Variants in PCDHGA6 observed in about 807,000 individuals in gnomAD.
PCDHGA6 encodes the protein protocadherin gamma-A6.
A neutral mutation model predicts 60.6 loss-of-function variants in PCDHGA6; 41 were observed. That is an observed-to-expected ratio of 0.68 (90% CI 0.53 to 0.88). The LOEUF is 0.88. Among genes scored for constraint, PCDHGA6 ranks in the 40% least tolerant of loss-of-function variants. The probability of loss-of-function intolerance (pLI) is 0.00; values close to 1 mark genes in which losing one functional copy is unlikely to be tolerated. For missense variants in PCDHGA6, 1,312 were observed against 1,203.0 expected (o/e 1.09, Z -1.34); for synonymous variants, 594 against 524.4 (o/e 1.13, Z -1.81).
chr5:141,430,383 G>GAAA (rs139772145), intron 1 of PCDHGA6, among the ~76,000 whole-genome samples: 2 of 138,566 alleles, frequency 1.4e-5, no homozygotes, highest in South Asian at 4.6e-4. Flanking sequence ...AGCTCATTGG[G>GAAA]AAAAAAAAAA....
intron 1 of PCDHGA6, chr5:141,423,473 C>A: frequency 6.2e-7 from 1 of 1,614,010 alleles, no homozygotes; most frequent in Non-Finnish European, 8.5e-7. Flanking sequence ...GGGGTACAGG[C>A]TTTCCTGCAA....
At chr5:141,464,929 G>A (rs1358204606) in intron 1 of PCDHGA6, among the ~76,000 whole-genome samples, 1 of 151,878 alleles carries the variant, frequency 6.6e-6, no homozygotes, top group Non-Finnish European at 1.5e-5. Flanking sequence ...TTGTAGAGAT[G>A]TGAGGTCTCA....
intron 1 of PCDHGA6, chr5:141,414,010 G>A (rs1308472085): frequency 1.2e-6 from 2 of 1,612,990 alleles, no homozygotes; most frequent in Non-Finnish European, 1.7e-6. Flanking sequence ...AGGTGCCAAT[G>A]GAGAAGTGAC....
chr5:141,408,676 G>A (rs1315766272), intron 1 of PCDHGA6: 2 of 1,613,652 alleles, frequency 1.2e-6, no homozygotes, highest in Non-Finnish European at 1.7e-6. Flanking sequence ...ACCCTGCCAC[G>A]GATCCTGATA....
chr5:141,490,688 CTG>C lies in PCDHGA6; in HGVS notation c.2425-4118_2425-4117del. 6.2e-7 allele frequency: 1 copy of C among 1,614,218 alleles called. No homozygotes were observed. On this transcript the variant is annotated intron_variant, in intron 1 of 3. Coordinates refer to ENST00000517434, the MANE Select transcript of PCDHGA6 (RefSeq NM_018919.3). This position sits in a 1 kb window ranked among gnomAD's most constrained non-coding sequence, Gnocchi z 5.4. ...ACTGTGGCTGCCTCAGATCCAGACA[CTG>C]GGGATAATGCCCGCCTCACCTACTC... is the stretch of plus-strand genomic sequence containing the variant.
rs953397576 is a variant in PCDHGA6, at chr5:141,410,111, G to A, written c.2424+33604G>A. 6 of 1,612,264 alleles carry A rather than the reference G, an allele frequency of 3.7e-6. No homozygotes were observed. In the African/African-American group the frequency reaches 6.7e-5, roughly 18 times the overall value. On this transcript the variant is annotated intron_variant, in intron 1 of 3. Transcript: ENST00000517434. ...GGCTCGAGCCTTAGGCGACAGGGACGCAGCCCGCCAGCGCCTGCTGGTCGC... is the reference window on the plus strand; with the variant it reads ...GGCTCGAGCCTTAGGCGACAGGGACACAGCCCGCCAGCGCCTGCTGGTCGC...
At chr5:141,383,976 C>G in intron 1 of PCDHGA6, 1 of 1,613,760 alleles carries the variant, frequency 6.2e-7, no homozygotes, top group Non-Finnish European at 8.5e-7. Flanking sequence ...TCCCTGAAGA[C>G]ACACCTCTTG....
chr5:141,492,395 C>G (rs2099740183), intron 1 of PCDHGA6, among the ~76,000 whole-genome samples: 1 of 152,242 alleles, frequency 6.6e-6, no homozygotes, highest in African/African-American at 2.4e-5. Flanking sequence ...GGTCCACTCG[C>G]AGCTCCCCTC....
chr5:141,389,991 G>T (rs561094692), intron 1 of PCDHGA6: 2 of 1,614,016 alleles, frequency 1.2e-6, no homozygotes, highest in African/African-American at 2.7e-5. Flanking sequence ...GCTCTTCCTC[G>T]TGGCCATGAT....
At chr5:141,459,694 T>A (rs767389870) in intron 1 of PCDHGA6, among the ~76,000 whole-genome samples, 1 of 152,252 alleles carries the variant, frequency 6.6e-6, no homozygotes, top group Non-Finnish European at 1.5e-5. Context: ...AGCGTTCCGC[T>A]TGCTACATTT....
In PCDHGA6 at chr5:141,512,845, A is replaced by G. The variant is rs1166488780; in HGVS notation, c.*1672A>G. On this transcript the variant is annotated 3_prime_UTR_variant, in exon 4 of 4. Coordinates refer to ENST00000517434, the MANE Select transcript of PCDHGA6 (RefSeq NM_018919.3). ...CTCCCCCGTACTGACTTCTCCTATA[A>G]GCGCTTCTCTTCGCATAGTCACGTA... The G allele has an allele frequency of 6.6e-6, 1 of 152,156 alleles. No individual in the cohort carries two copies. Among genetic ancestry groups the G allele is most frequent in the African/African-American group, 2.4e-5 (1 of 41,380 alleles). 9.4% of individuals were successfully genotyped at this position (152,156 alleles called of 1,614,324 possible).
chr5:141,420,911 T>C (rs948220220), intron 1 of PCDHGA6: 6 of 313,968 alleles, frequency 1.9e-5, no homozygotes, highest in Admixed American at 1.8e-4. Flanking sequence ...CAAATACGTG[T>C]GATTCACAAA....
chr5:141,505,592 A>T, intron 3 of PCDHGA6, 111 bp downstream of exon 3: 2 of 1,567,266 alleles, frequency 1.3e-6, no homozygotes, highest in Admixed American at 3.6e-5. Flanking sequence ...GTTTCTCCAG[A>T]TCTTTCGGCA....
intron 1 of PCDHGA6, chr5:141,409,895 C>T (rs928044268): frequency 2.5e-6 from 4 of 1,613,098 alleles, no homozygotes; most frequent in Non-Finnish European, 3.4e-6. Flanking sequence ...GGTGCTGTAC[C>T]CAGCTCTGGG....
At chr5:141,407,873 A>C (rs561323423) in intron 1 of PCDHGA6, 1 of 354,804 alleles carries the variant, frequency 2.8e-6, no homozygotes, top group African/African-American at 2.1e-5. Flanking sequence ...CGAAGAATAT[A>C]TACATTTCGG....
chr5:141,384,492 AG>A (rs746302959), intron 1 of PCDHGA6: 2 of 1,614,164 alleles, frequency 1.2e-6, no homozygotes, highest in East Asian at 4.5e-5. Context: ...TACAACTAAG[AG>A]TGACTGCACA....
chr5:141,405,138 G>A (rs777486710), intron 1 of PCDHGA6: 4 of 1,613,962 alleles, frequency 2.5e-6, no homozygotes, highest in Non-Finnish European at 3.4e-6. Flanking sequence ...CGGGCTACCA[G>A]TGATGGGTTG....
chr5:141,390,322 C>G, intron 1 of PCDHGA6: 1 of 1,606,310 alleles, frequency 6.2e-7, no homozygotes, highest in South Asian at 1.1e-5. Context: ...CATTGCCTAC[C>G]CATTTCTCCA....
chr5:141,415,452 C>T, intron 1 of PCDHGA6: 1 of 1,614,240 alleles, frequency 6.2e-7, no homozygotes, highest in South Asian at 1.1e-5. Flanking sequence ...CCTATTCCCA[C>T]GAGGTCTCTC....
Sources: gnomAD v4.1 joint callset for allele counts (sites outside exome capture counted in the v4.1 genomes callset) on GRCh38, gnomAD v4.1.1 for gene constraint, Gnocchi (gnomAD v3.1) non-coding constraint, MANE v1.5 for transcripts, NCBI Gene and HGNC (gene_info 2026-07-23, HGNC 2026-07-21) for gene names.